The following CFAP221 variants were observed in gnomAD, a reference collection of about 807,000 sequenced individuals.
CFAP221 encodes the protein cilia- and flagella-associated protein 221.
A neutral mutation model predicts 113.1 loss-of-function variants in CFAP221; 97 were observed. That is an observed-to-expected ratio of 0.86 (90% CI 0.73 to 1.02). CFAP221 has a LOEUF of 1.02. Among genes scored for constraint, CFAP221 ranks in the 50% least tolerant of loss-of-function variants. The pLI, the probability that CFAP221 is intolerant of heterozygous loss-of-function variation, is 0.00. For missense variants in CFAP221, 1,025 were observed against 1,013.4 expected, an observed-to-expected ratio of 1.01 and a Z score of -0.16; for synonymous variants, 331 against 354.4, an observed-to-expected ratio of 0.93 and a Z score of 0.74.
At chr2:119,596,688 A>C (rs923552223) in intron 7 of CFAP221, among the ~76,000 whole-genome samples, 1 of 152,270 alleles carries the variant, frequency 6.6e-6, no homozygotes, top group Admixed American at 6.5e-5. Flanking sequence ...AAAAGATTAA[A>C]ATAAGTACTA....
At chr2:119,583,122 T>C (rs1041468019) in intron 6 of CFAP221, among the ~76,000 whole-genome samples, 1 of 152,080 alleles carries the variant, frequency 6.6e-6, no homozygotes, top group Non-Finnish European at 1.5e-5. Flanking sequence ...GAGGTATGTA[T>C]ACCAAGCAAA....
intron 6 of CFAP221, among the ~76,000 whole-genome samples, chr2:119,577,963 T>A (rs1256689728): frequency 1.3e-5 from 2 of 152,210 alleles, no homozygotes; most frequent in Non-Finnish European, 2.9e-5. Flanking sequence ...GGAGTGCTCC[T>A]CTCTGCTCCA....
At chr2:119,648,477 A>G (rs1687941635) in intron 22 of CFAP221, 1 of 324,168 alleles carries the variant, frequency 3.1e-6, no homozygotes. Context: ...CTGTGACGAC[A>G]GAGTCGGGGT....
chr2:119,641,786 T>TC (rs1687506638), intron 21 of CFAP221, among the ~76,000 whole-genome samples: 1 of 152,180 alleles, frequency 6.6e-6, no homozygotes, highest in Non-Finnish European at 1.5e-5. Context: ...ATTGACAGAC[T>TC]GCCTCATTTT....
intron 6 of CFAP221, among the ~76,000 whole-genome samples, chr2:119,578,387 C>T (rs1487825685): frequency 1.3e-5 from 2 of 152,198 alleles, no homozygotes; most frequent in Non-Finnish European, 2.9e-5. Context: ...CGGATTATTT[C>T]CTGAGTCTTC....
chr2:119,552,830 G>T (rs2438980), intron 3 of CFAP221, among the ~76,000 whole-genome samples: 3,002 of 41,040 alleles, frequency 0.073, 176 homozygotes, highest in East Asian at 0.19. Context: ...AAGAAATAAA[G>T]AGAAATATTT....
intron 6 of CFAP221, among the ~76,000 whole-genome samples, chr2:119,565,458 A>G (rs1681553982): frequency 6.6e-6 from 1 of 152,178 alleles, no homozygotes; most frequent in South Asian, 2.1e-4. Context: ...AGTTGAGAAC[A>G]ATGATTTATA....
chr2:119,627,684 G>A lies in CFAP221; in HGVS notation c.1548G>A (p.Arg516=), dbSNP rs747696213. 6 of 1,613,506 alleles carry A rather than the reference G, an allele frequency of 3.7e-6. No individual in the cohort carries two copies. The South Asian group carries it at 6.6e-5, about 18-fold the overall frequency. Residue 516 remains arginine, a synonymous_variant, in exon 16 of 24, where the codon CGG becomes CGA. Coordinates refer to ENST00000413369, the MANE Select transcript of CFAP221 (RefSeq NM_001271049.2). The part of the protein sequence containing the change: ...EANFFKFFLR[R]ISQDDYTSRF... ...ATTTCTTCAAATTCTTCCTGAGGCG[G>A]ATCAGTCAGGATGATTATACCAGCC...
intron 6 of CFAP221, chr2:119,580,607 A>G (rs910244096): frequency 4.6e-5 from 7 of 152,150 alleles, no homozygotes; most frequent in South Asian, 2.1e-4. Flanking sequence ...GCAAACTGCA[A>G]TGAACCTTTT....
At chr2:119,572,708 G>A in intron 6 of CFAP221, 2 of 594,302 alleles carry the variant, frequency 3.4e-6, no homozygotes, top group South Asian at 2.1e-5. Context: ...CTGGGGAAGT[G>A]ATGACAAATC....
At chr2:119,635,556 T>C (rs772250555) in intron 19 of CFAP221, among the ~76,000 whole-genome samples, 3 of 152,054 alleles carry the variant, frequency 2.0e-5, no homozygotes, top group Non-Finnish European at 2.9e-5. Context: ...GGGGGAATGA[T>C]GAAGGGCATG....
chr2:119,640,787 C>T (rs1036229048), intron 21 of CFAP221, among the ~76,000 whole-genome samples: 4 of 152,210 alleles, frequency 2.6e-5, no homozygotes, highest in African/African-American at 9.7e-5. Context: ...CCAGCTCCCA[C>T]TCGGGTAACC....
intron 3 of CFAP221, among the ~76,000 whole-genome samples, chr2:119,552,390 T>C (rs1434102288): frequency 4.0e-5 from 2 of 50,384 alleles, no homozygotes; most frequent in African/African-American, 1.5e-4. Flanking sequence ...AAGAAATAAA[T>C]AGAAATATTT....
At chr2:119,569,385 T>C (rs1179245898) in intron 6 of CFAP221, among the ~76,000 whole-genome samples, 1 of 151,794 alleles carries the variant, frequency 6.6e-6, no homozygotes, top group Non-Finnish European at 1.5e-5. Flanking sequence ...CCCAAAGTGC[T>C]GGGATTACAG....
chr2:119,650,182 A>G (rs1688043881), intron 22 of CFAP221, among the ~76,000 whole-genome samples: 1 of 152,240 alleles, frequency 6.6e-6, no homozygotes, highest in South Asian at 2.1e-4. Context: ...AACACATACT[A>G]TATTGATAGT....
intron 6 of CFAP221, among the ~76,000 whole-genome samples, chr2:119,563,094 C>T (rs2104546421): frequency 6.6e-6 from 1 of 152,258 alleles, no homozygotes; most frequent in East Asian, 1.9e-4. Context: ...TTTGAGGCTG[C>T]AATGGGCTGT....
At chr2:119,584,007 T>C (rs1244691829) in intron 6 of CFAP221, among the ~76,000 whole-genome samples, 1 of 152,134 alleles carries the variant, frequency 6.6e-6, no homozygotes, top group Non-Finnish European at 1.5e-5. Context: ...AACCCAAACA[T>C]ACCAAAACAC....
At chr2:119,587,064 G>C (rs1683271483) in intron 6 of CFAP221, 55 bp from the exon 7 acceptor site, 1 of 1,312,206 alleles carries the variant, frequency 7.6e-7, no homozygotes, top group Admixed American at 2.5e-5. Flanking sequence ...GCTACCAAAA[G>C]AACCAGTTAT....
chr2:119,629,784 T>A (rs1333526114), intron 16 of CFAP221, 91 bp from the exon 17 acceptor site: 1 of 1,025,040 alleles, frequency 9.8e-7, no homozygotes. Context: ...GTAGAACTGG[T>A]CACTAATGTT....
Sources: gnomAD v4.1 joint callset for allele counts (sites outside exome capture counted in the v4.1 genomes callset) on GRCh38, gnomAD v4.1.1 for gene constraint, MANE v1.5 for transcripts, NCBI Gene and HGNC (gene_info 2026-07-23, HGNC 2026-07-21) for gene names.